FNDC3A: variants seen among roughly 807,000 people sequenced by gnomAD.
FNDC3A encodes fibronectin type-III domain-containing protein 3A.
FNDC3A carries 32 observed loss-of-function variants against 148.9 expected under a neutral mutation model. That is an observed-to-expected ratio of 0.21 (90% CI 0.16 to 0.29). The LOEUF is 0.29. Ranked by LOEUF, FNDC3A falls within the 10% of genes least tolerant of loss-of-function variation. The pLI is 1.00. For missense variants in FNDC3A, 1,191 were observed against 1,452.8 expected (o/e 0.82, Z 2.93); for synonymous variants, 472 against 473.6 (o/e 1.00, Z 0.04).
At position 49,209,088 on chromosome 13, in the gene FNDC3A, T is replaced by G. The variant is rs1430488367; in HGVS notation, c.*1693T>G. The G allele has an allele frequency of 1.3e-5, 2 of 152,618 alleles. No individual in the cohort carries two copies. The highest frequency in any genetic ancestry group is 3.2e-3 in the Middle Eastern group (1 of 316). The allele number at this position is 152,618 out of a possible 1,614,324, so 9.5% of individuals were successfully genotyped here. On this transcript the variant is annotated 3_prime_UTR_variant, in exon 26 of 26. Coordinates refer to ENST00000492622, the MANE Select transcript of FNDC3A (RefSeq NM_001079673.2). ...CATTTTATTTAAATTTAATCTCTTATGTATAGGGTGATAACCTTCCCCAGA... is the reference window on the plus strand; with the variant it reads ...CATTTTATTTAAATTTAATCTCTTAGGTATAGGGTGATAACCTTCCCCAGA...
chr13:49,096,106 C>A (rs1879507866), intron 3 of FNDC3A, among the ~76,000 whole-genome samples: 1 of 152,064 alleles, frequency 6.6e-6, no homozygotes, highest in Non-Finnish European at 1.5e-5. Flanking sequence ...AAGTTTCTTC[C>A]TGTATCTAGA....
intron 8 of FNDC3A, among the ~76,000 whole-genome samples, chr13:49,152,626 T>C (rs1379820587): frequency 6.6e-6 from 1 of 152,014 alleles, no homozygotes; most frequent in Non-Finnish European, 1.5e-5. Flanking sequence ...CACTAACTCG[T>C]CATCTAGCAT....
intron 5 of FNDC3A, among the ~76,000 whole-genome samples, chr13:49,133,896 A>G (rs1001992342): frequency 2.6e-5 from 4 of 152,122 alleles, no homozygotes; most frequent in Admixed American, 2.0e-4. Flanking sequence ...CTTCCATGGT[A>G]GCTTTATTAT....
At chr13:49,084,068 A>G (rs1878653798) in intron 3 of FNDC3A, among the ~76,000 whole-genome samples, 1 of 152,222 alleles carries the variant, frequency 6.6e-6, no homozygotes, top group South Asian at 2.1e-4. Context: ...AGACCTATAA[A>G]TAGTATATCA....
intron 2 of FNDC3A, among the ~76,000 whole-genome samples, chr13:49,067,176 A>T (rs944842645): frequency 3.9e-5 from 6 of 152,144 alleles, no homozygotes; most frequent in Non-Finnish European, 7.4e-5. Context: ...TTTTAGTTTT[A>T]AAAAAAATTA....
chr13:49,170,248 G>A (rs1412316738), intron 10 of FNDC3A, among the ~76,000 whole-genome samples: 2 of 151,996 alleles, frequency 1.3e-5, no homozygotes, highest in East Asian at 1.9e-4. Context: ...AGAGTCGGGA[G>A]GATTAAACAG....
chr13:49,090,113 C>T (rs1269371200), intron 3 of FNDC3A, among the ~76,000 whole-genome samples: 1 of 152,070 alleles, frequency 6.6e-6, no homozygotes, highest in African/African-American at 2.4e-5. Flanking sequence ...GAGAAATTTG[C>T]CCACTTTCTT....
intron 14 of FNDC3A, among the ~76,000 whole-genome samples, chr13:49,180,894 C>CAA (rs112964715): frequency 2.2e-5 from 3 of 137,580 alleles, no homozygotes; most frequent in African/African-American, 8.0e-5. Context: ...GATTCTGTCT[C>CAA]AAAAAAAAAA....
chr13:48,985,346 T>G (rs1452259328), intron 1 of FNDC3A, among the ~76,000 whole-genome samples: 1 of 152,214 alleles, frequency 6.6e-6, no homozygotes, highest in African/African-American at 2.4e-5. Context: ...TTTGGCAGTA[T>G]CTATCCATTT....
At position 49,022,883 on chromosome 13, in the gene FNDC3A, C is replaced by T. The variant is rs187700650; in HGVS notation, c.99+16594C>T. 1.3e-4 allele frequency among the ~76,000 whole-genome samples: 20 copies of T among 152,086 alleles called. No homozygotes were observed. The East Asian group carries it at 2.9e-3, about 22-fold the overall frequency. ...TTTTGAAAAATTCTAGTGCTATTAC[C>T]GTTAACTTTTCTTTAGACATAAAAA... On this transcript the variant is annotated intron_variant, in intron 2 of 25. Coordinates refer to ENST00000492622, the MANE Select transcript of FNDC3A (RefSeq NM_001079673.2).
chr13:49,044,634 C>T (rs778704104), intron 2 of FNDC3A: 6 of 200,294 alleles, frequency 3.0e-5, no homozygotes, highest in African/African-American at 4.8e-5. Context: ...CGTGTCACTG[C>T]GCTCCAGCCT....
At chr13:49,169,825 C>T (rs552575216) in intron 10 of FNDC3A, among the ~76,000 whole-genome samples, 2 of 152,260 alleles carry the variant, frequency 1.3e-5, no homozygotes, top group Admixed American at 1.3e-4. Flanking sequence ...GTACTGTTAA[C>T]ACATGTAAGT....
intron 1 of FNDC3A, among the ~76,000 whole-genome samples, chr13:48,990,217 A>G (rs1417778244): frequency 6.6e-6 from 1 of 152,086 alleles, no homozygotes; most frequent in Non-Finnish European, 1.5e-5. Flanking sequence ...CTGTCTTTCA[A>G]AATAAAGGCA....
At chr13:49,153,410 G>C (rs913588255) in intron 8 of FNDC3A, among the ~76,000 whole-genome samples, 4 of 152,070 alleles carry the variant, frequency 2.6e-5, no homozygotes, top group African/African-American at 9.7e-5. Context: ...TGTGGATTCT[G>C]GATATTAGCC....
At chr13:49,053,810 T>C (rs1876031920) in intron 2 of FNDC3A, among the ~76,000 whole-genome samples, 1 of 152,192 alleles carries the variant, frequency 6.6e-6, no homozygotes, top group African/African-American at 2.4e-5. Context: ...AGCCAATCTT[T>C]TCAGAATCAG....
intron 2 of FNDC3A, among the ~76,000 whole-genome samples, chr13:49,064,230 A>G (rs1239547513): frequency 1.3e-5 from 2 of 152,140 alleles, no homozygotes; most frequent in Non-Finnish European, 2.9e-5. Context: ...AATCCCAGCT[A>G]CTTGGGAGGC....
intron 13 of FNDC3A, among the ~76,000 whole-genome samples, chr13:49,178,262 A>T (rs1207908421): frequency 6.6e-6 from 1 of 152,220 alleles, no homozygotes; most frequent in Non-Finnish European, 1.5e-5. Context: ...TAGCTTACTG[A>T]TGGTGAAGTT....
chr13:49,147,166 G>C (rs1335217612), intron 8 of FNDC3A, among the ~76,000 whole-genome samples: 1 of 152,172 alleles, frequency 6.6e-6, no homozygotes, highest in Non-Finnish European at 1.5e-5. Context: ...GTAAGTAGGG[G>C]ATAAAGGACT....
At position 49,019,183 on chromosome 13, in the gene FNDC3A, G is replaced by A. The variant is rs932624659; in HGVS notation, c.99+12894G>A. Among the ~76,000 whole-genome samples the A allele has an allele frequency of 4.6e-5, 7 of 152,200 alleles. No individual in the cohort carries two copies. In the East Asian group the frequency reaches 5.8e-4, roughly 13 times the overall value. On this transcript the variant is annotated intron_variant, in intron 2 of 25. Coordinates refer to ENST00000492622, the MANE Select transcript of FNDC3A (RefSeq NM_001079673.2). ...TACCTGAGCAAGCCTGGGCAATGGC[G>A]GGCGCCCCTCCCCCAGCCTCGCTGC...
Sources: allele counts gnomAD v4.1 joint callset (sites outside exome capture counted in the v4.1 genomes callset), GRCh38; gene constraint gnomAD v4.1.1; transcripts MANE v1.5; gene names NCBI Gene and HGNC (gene_info 2026-07-23, HGNC 2026-07-21).